CR1: variants seen among roughly 807,000 people sequenced by gnomAD.
The protein encoded by CR1 is complement receptor type 1.
In CR1, 116 loss-of-function variants were observed where a neutral mutation model predicts 187.3. That is an observed-to-expected ratio of 0.62 (90% CI 0.53 to 0.72). CR1 has a LOEUF of 0.72. Ranked by LOEUF, CR1 falls within the 30% of genes least tolerant of loss-of-function variation. CR1 has a pLI of 0.00. For missense variants in CR1, 1,731 were observed against 2,110.7 expected, an observed-to-expected ratio of 0.82 and a Z score of 3.52; for synonymous variants, 576 against 747.1, an observed-to-expected ratio of 0.77 and a Z score of 3.73.
intron 4 of CR1, among the ~76,000 whole-genome samples, chr1:207,521,448 T>A (rs920438982): frequency 7.9e-5 from 12 of 152,120 alleles, no homozygotes; most frequent in African/African-American, 2.9e-4. Context: ...CTGTATTTTT[T>A]AATCTTTTTA....
At chr1:207,614,364 G>A (rs754630549) in intron 39 of CR1, 40 bp from the exon 40 acceptor site, 16 of 1,491,942 alleles carry the variant, frequency 1.1e-5, no homozygotes, top group Middle Eastern at 1.7e-4. Context: ...GGAGAGATGG[G>A]AATTGCTCAC....
intron 32 of CR1, among the ~76,000 whole-genome samples, chr1:207,584,246 G>A (rs573044051): frequency 1.4e-3 from 215 of 152,248 alleles, no homozygotes; most frequent in Middle Eastern, 3.4e-3. Context: ...GACTCTTGAT[G>A]TCAAAGATCA....
At chr1:207,507,293 T>C (rs1021223738) in intron 3 of CR1, 3 of 152,982 alleles carry the variant, frequency 2.0e-5, no homozygotes, top group African/African-American at 4.8e-5. Context: ...AAAATCAAGG[T>C]GTTGGCAGAG....
chr1:207,603,329 T>C (rs1461184338), intron 35 of CR1, among the ~76,000 whole-genome samples: 10 of 152,182 alleles, frequency 6.6e-5, no homozygotes, highest in Admixed American at 6.5e-4. Context: ...CCTAGCTTAT[T>C]TTGGAAGGTA....
In CR1 at chr1:207,577,861, A is replaced by G. The variant is rs1170650435; in HGVS notation, c.4594A>G (p.Arg1532Gly). ...IANGDFISTN[R>G]ENFHYGSVVT... ...CAATGGAGATTTCATTAGCACCAAC[A>G]GAGAGAATTTTCACTATGGATCAGT... The change falls in exon 29 of 47, where the codon AGA becomes GGA. Residue 1532 changes from arginine to glycine, a missense_variant. By Grantham distance (125) the Arg-to-Gly change is moderately radical. Around this residue, in one of 5 missense-constraint regions of CR1, gnomAD observed 1,312 missense variants for 1,379.6 expected, o/e 0.95. Transcript: ENST00000367049. 1.9e-6 allele frequency: 3 copies of G among 1,613,900 alleles called. No homozygotes were observed. Among genetic ancestry groups the G allele is most frequent in the Non-Finnish European group, 2.5e-6 (3 of 1,179,868 alleles).
rs1290945712 is a variant in CR1 at position 207,640,442 on chromosome 1, A to C, written c.*1033A>C. 6.6e-6 allele frequency: 1 copy of C among 152,202 alleles called. No homozygotes were observed. The highest frequency in any genetic ancestry group is 2.4e-5 in the African/African-American group (1 of 41,446). The allele number at this position is 152,202 out of a possible 1,614,324, so 9.4% of individuals were successfully genotyped here. ...GAGCCACCGCGCCTGGCCGCTTTCGATATTTTCTAAACTTTAATTCAAAAG... is the reference window on the plus strand; with the variant it reads ...GAGCCACCGCGCCTGGCCGCTTTCGCTATTTTCTAAACTTTAATTCAAAAG... On this transcript the variant is annotated 3_prime_UTR_variant, in exon 47 of 47. Transcript: ENST00000367049.
chr1:207,521,030 A>G (rs1468171426), intron 4 of CR1, among the ~76,000 whole-genome samples: 4 of 122,644 alleles, frequency 3.3e-5, no homozygotes. Flanking sequence ...GCTGGAGTGC[A>G]GTGGTGGGAT....
At chr1:207,520,379 G>A (rs762488277) in intron 4 of CR1, among the ~76,000 whole-genome samples, 28 of 152,318 alleles carry the variant, frequency 1.8e-4, no homozygotes, top group African/African-American at 4.3e-4. Context: ...GTCGCAGCAC[G>A]ACTGCCTGGA....
At position 207,609,377 on chromosome 1, in the gene CR1, C is replaced by T; in HGVS notation, c.5984C>T (p.Thr1995Ile). 6.2e-7 allele frequency: 1 copy of T among 1,613,986 alleles called. No individual in the cohort carries two copies. Among genetic ancestry groups the T allele is most frequent in the Non-Finnish European group, 8.5e-7 (1 of 1,179,882 alleles). ...RTSFHNGTVV[T>I]YQCHTGPDGE... ...TCTTTTCACAATGGAACGGTGGTAA[C>T]TTACCAGTGCCACACTGGACCAGAT... The change falls in exon 37 of 47, where the codon ACT becomes ATT. Residue 1995 changes from threonine to isoleucine, a missense_variant. By Grantham distance (89) the Thr-to-Ile change is moderately conservative (BLOSUM62 -1). This residue lies in a region of CR1 where 1,312 missense variants were observed against 1,379.6 expected (regional missense o/e 0.95). Transcript: ENST00000367049.
intron 4 of CR1, 143 bp downstream of exon 4, chr1:207,511,797 A>G (rs1659628478): frequency 1.9e-5 from 13 of 691,068 alleles, no homozygotes; most frequent in African/African-American, 5.4e-5. Flanking sequence ...GAATATTCCT[A>G]TGGGGTTCCT....
In CR1 at chr1:207,580,691, A is replaced by G. The variant is rs1473515358; in HGVS notation, c.5216+78A>G. 3.8e-6 allele frequency: 5 copies of G among 1,304,170 alleles called. No individual in the cohort carries two copies. The African/African-American group carries it at 4.5e-5, about 12-fold the overall frequency. The allele number at this position is 1,304,170 out of a possible 1,614,324, so 80.8% of individuals were successfully genotyped here. ...TGAGCTTAAGGATCAATCCAAAAAG[A>G]GGGCTGACCTAGGAGAAGAAGAATC... On this transcript the variant is annotated intron_variant, in intron 31 of 46. Coordinates refer to ENST00000367049, the MANE Select transcript of CR1 (RefSeq NM_000651.6).
chr1:207,526,207 C>T lies in CR1; in HGVS notation c.887-546C>T, dbSNP rs114533583. Among the ~76,000 whole-genome samples, 553 of 152,090 alleles carry T rather than the reference C, an allele frequency of 3.6e-3. 11 individuals carry two copies. The highest frequency in any genetic ancestry group is 0.013 in the African/African-American group (539 of 41,374). On this transcript the variant is annotated intron_variant, in intron 5 of 46. Transcript: ENST00000367049. ...CTACATAGCATGAGGAGAGGAGACC[C>T]ATAGTTCTTTACCATCCTATGTCAG...
intron 41 of CR1, among the ~76,000 whole-genome samples, chr1:207,617,211 T>C (rs1196341503): frequency 6.6e-6 from 1 of 151,992 alleles, no homozygotes; most frequent in African/African-American, 2.4e-5. Context: ...GATGATGTAA[T>C]TTACTTCAGA....
chr1:207,509,802 A>C (rs9429946), intron 3 of CR1, among the ~76,000 whole-genome samples: 9,729 of 152,244 alleles, frequency 0.064, 1,056 homozygotes, highest in African/African-American at 0.22. Context: ...GGAGGTGCAC[A>C]TATAGGATTG....
Position 207,611,926 on chromosome 1 carries a change from T to C in CR1, c.6473-13T>C. 2.5e-6 allele frequency: 4 copies of C among 1,613,918 alleles called. No homozygotes were observed. The highest frequency in any genetic ancestry group is 3.4e-6 in the Non-Finnish European group (4 of 1,179,870). ...TGGAGGACTTACTCCTGTTGTTTTA[T>C]TTTTTCTTCTAGTGAAATCCTGTGA... is the stretch of plus-strand genomic sequence containing the variant. On this transcript the variant is annotated splice_polypyrimidine_tract_variant and intron_variant, in intron 38 of 46. Transcript: ENST00000367049.
chr1:207,614,269 G>C (rs1662027686), intron 39 of CR1, 135 bp from the exon 40 acceptor site: 1 of 661,936 alleles, frequency 1.5e-6, no homozygotes, highest in African/African-American at 1.8e-5. Context: ...AAGACTTTTA[G>C]CTGGGCCTGA....
intron 3 of CR1, 41 bp downstream of exon 3, chr1:207,506,854 A>G (rs751270648): frequency 2.6e-5 from 39 of 1,512,550 alleles, no homozygotes; most frequent in East Asian, 4.5e-5. Flanking sequence ...TTGGTTCAAG[A>G]GTTCTAACAC....
At position 207,497,759 on chromosome 1, in the gene CR1, G is replaced by A. The variant is rs144189159; in HGVS notation, c.121+1371G>A. Among the ~76,000 whole-genome samples the A allele has an allele frequency of 5.2e-3, 797 of 152,086 alleles. 7 individuals carry two copies. Among genetic ancestry groups the A allele is most frequent in the African/African-American group, 0.019 (785 of 41,446 alleles). ...GTTTTACTTAGCCTATGTTGATTAAGTTACTGTTATAAACAATCCCAGACA... is the reference window on the plus strand; with the variant it reads ...GTTTTACTTAGCCTATGTTGATTAAATTACTGTTATAAACAATCCCAGACA... On this transcript the variant is annotated intron_variant, in intron 1 of 46. Transcript: ENST00000367049.
intron 46 of CR1, among the ~76,000 whole-genome samples, chr1:207,632,860 G>C (rs1326013478): frequency 1.3e-5 from 2 of 151,196 alleles, no homozygotes; most frequent in African/African-American, 4.9e-5. Flanking sequence ...TGCTTTCAGG[G>C]ATGCTTTAGA....
Sources: gnomAD v4.1 joint callset for allele counts (sites outside exome capture counted in the v4.1 genomes callset) on GRCh38, gnomAD v4.1.1 for gene constraint, gnomAD v4.1.1 regional missense constraint, MANE v1.5 for transcripts, NCBI Gene and HGNC (gene_info 2026-07-23, HGNC 2026-07-21) for gene names.